Variants in SCGB2B2 observed in about 807,000 individuals in gnomAD.
The protein encoded by SCGB2B2 is secretoglobin family 2B member 2.
SCGB2B2 carries 11 observed loss-of-function variants against 7.6 expected under a neutral mutation model. That is an observed-to-expected ratio of 1.45 (90% confidence interval 0.91 to 2.40). SCGB2B2 has a LOEUF of 2.40. Ranked by LOEUF, SCGB2B2 falls within the 30% of genes most tolerant of loss-of-function variation. The probability of loss-of-function intolerance (pLI) is 0.00; values close to 1 mark genes in which losing one functional copy is unlikely to be tolerated. For synonymous variants in SCGB2B2, 50 were observed against 48.6 expected (o/e 1.03, Z -0.12); for missense variants, 104 against 115.4 (o/e 0.90, Z 0.45).
intron 1 of SCGB2B2, among the ~76,000 whole-genome samples, chr19:34,630,144 T>A (rs78397212): frequency 6.6e-6 from 1 of 151,272 alleles, no homozygotes; most frequent in Non-Finnish European, 1.5e-5. Context: ...ACCTTAGACC[T>A]AAAACCATAA....
At chr19:34,640,110 C>T (rs2066799081) in intron 1 of SCGB2B2, among the ~76,000 whole-genome samples, 1 of 152,120 alleles carries the variant, frequency 6.6e-6, no homozygotes, top group Admixed American at 6.5e-5. Flanking sequence ...AATAGAATAT[C>T]ATGCAGCTTA....
At chr19:34,650,540 A>C (rs1336206745) in intron 1 of SCGB2B2, among the ~76,000 whole-genome samples, 4 of 151,354 alleles carry the variant, frequency 2.6e-5, no homozygotes, top group Non-Finnish European at 5.9e-5. Context: ...AATATAACCT[A>C]CCGGGATTGA....
In SCGB2B2 at chr19:34,592,146, G is replaced by A. The variant is rs566270904; in HGVS notation, c.*1409C>T. ...AAACGTGTGACCTGGAGGAGATGAC[G>A]GCTGAGGGATGACAAGGAGAATGGG... On this transcript the variant is annotated 3_prime_UTR_variant, in exon 4 of 4. Transcript: ENST00000601241. 3.3e-5 allele frequency among the ~76,000 whole-genome samples: 5 copies of A among 152,242 alleles called. No homozygotes were observed. Among genetic ancestry groups the A allele is most frequent in the East Asian group, 1.9e-4 (1 of 5,180 alleles).
intron 1 of SCGB2B2, among the ~76,000 whole-genome samples, chr19:34,673,954 A>T (rs2067861860): frequency 6.6e-6 from 1 of 152,196 alleles, no homozygotes; most frequent in Non-Finnish European, 1.5e-5. Context: ...TAGGGGTTTA[A>T]CTTCACAGGA....
chr19:34,594,117 G>T, intron 3 of SCGB2B2, 58 bp downstream of exon 3: 2 of 1,402,462 alleles, frequency 1.4e-6, no homozygotes, highest in Non-Finnish European at 2.0e-6. Flanking sequence ...GTGCAGGGAA[G>T]TGCAAGCCTG....
At chr19:34,664,790 G>A (rs1242365769) in intron 1 of SCGB2B2, among the ~76,000 whole-genome samples, 4 of 151,970 alleles carry the variant, frequency 2.6e-5, no homozygotes, top group African/African-American at 9.7e-5. Flanking sequence ...TGCAGCTCCC[G>A]CTGACCCCTC....
intron 1 of SCGB2B2, among the ~76,000 whole-genome samples, chr19:34,600,717 T>A (rs2065598608): frequency 6.6e-6 from 1 of 152,234 alleles, no homozygotes; most frequent in African/African-American, 2.4e-5. Context: ...TTGCATGTTC[T>A]TTTCTATTTT....
chr19:34,596,852 G>A (rs771205811), intron 1 of SCGB2B2, among the ~76,000 whole-genome samples: 25 of 151,860 alleles, frequency 1.6e-4, no homozygotes, highest in Admixed American at 6.5e-4. Flanking sequence ...GGAGCAGAGG[G>A]CCGCCCTCCC....
Position 34,623,923 on chromosome 19 carries a change from C to T in SCGB2B2, c.-2031-27329G>A, listed in dbSNP as rs551312725. Reference sequence around the variant, plus strand: ...GAGCCTAGAATTTGTCTCTCAAGGGCAGCTTCCTCCTGACTATTGAAAGTG... The same window carrying T: ...GAGCCTAGAATTTGTCTCTCAAGGGTAGCTTCCTCCTGACTATTGAAAGTG... On this transcript the variant is annotated intron_variant, in intron 1 of 3. Coordinates refer to ENST00000601241, the MANE Select transcript of SCGB2B2 (RefSeq NM_001025591.4). 1.9e-3 allele frequency among the ~76,000 whole-genome samples: 287 copies of T among 152,300 alleles called. 2 individuals carry two copies. The highest frequency in any genetic ancestry group is 6.7e-3 in the African/African-American group (279 of 41,556).
chr19:34,606,517 C>CT (rs36092902), intron 1 of SCGB2B2, among the ~76,000 whole-genome samples: 1,891 of 143,016 alleles, frequency 0.013, 45 homozygotes, highest in African/African-American at 0.042. Flanking sequence ...TTTTCTTTTT[C>CT]TTTTTTTTTT....
At chr19:34,643,702 T>G (rs1275168670) in intron 1 of SCGB2B2, among the ~76,000 whole-genome samples, 1 of 152,114 alleles carries the variant, frequency 6.6e-6, no homozygotes, top group Admixed American at 6.5e-5. Flanking sequence ...TGGAAAATAT[T>G]ATGTATCAAT....
At chr19:34,586,523 T>A (rs938199706), downstream of SCGB2B2, among the ~76,000 whole-genome samples, 1 of 152,232 alleles carries the variant, frequency 6.6e-6, no homozygotes. Flanking sequence ...TCATACAGTA[T>A]GGAATGTTAT....
chr19:34,598,134 A>G (rs1242895620), intron 1 of SCGB2B2, among the ~76,000 whole-genome samples: 2 of 152,050 alleles, frequency 1.3e-5, no homozygotes, highest in Non-Finnish European at 2.9e-5. Context: ...CCTGAGGCTG[A>G]CTCGGGGCTA....
At chr19:34,650,190 G>A (rs1424482116) in intron 1 of SCGB2B2, among the ~76,000 whole-genome samples, 1 of 151,276 alleles carries the variant, frequency 6.6e-6, no homozygotes, top group African/African-American at 2.5e-5. Flanking sequence ...AGCTGCTGGG[G>A]CTGAGCATAC....
chr19:34,590,621 T>C (rs534298537), downstream of SCGB2B2, among the ~76,000 whole-genome samples: 3 of 152,248 alleles, frequency 2.0e-5, no homozygotes, highest in African/African-American at 7.2e-5. Flanking sequence ...TTAATATTAC[T>C]AAGTTATGGC....
rs1425835832 is a variant in SCGB2B2, at chr19:34,596,073, G to A, written c.-1510C>T. 1.3e-5 allele frequency: 2 copies of A among 152,392 alleles called. No individual in the cohort carries two copies. Among genetic ancestry groups the A allele is most frequent in the South Asian group, 4.1e-4 (2 of 4,830 alleles). The allele number at this position is 152,392 out of a possible 1,614,324, so 9.4% of individuals were successfully genotyped here. On this transcript the variant is annotated 5_prime_UTR_variant, in exon 2 of 4. It adds an upstream start codon to the 5' untranslated region. Transcript: ENST00000601241. ...CCAGGCATGAGCCATCACTGTGCAC[G>A]TACAGAACCTCATAGTAGCGCCCAG... is the stretch of plus-strand genomic sequence containing the variant.
chr19:34,586,134 T>A (rs144674749), downstream of SCGB2B2, among the ~76,000 whole-genome samples: 1 of 152,218 alleles, frequency 6.6e-6, no homozygotes, highest in Non-Finnish European at 1.5e-5. Flanking sequence ...GGGGAAGGGC[T>A]ATTATCATTT....
chr19:34,632,721 G>C (rs1413022030), intron 1 of SCGB2B2: 5 of 152,242 alleles, frequency 3.3e-5, no homozygotes, highest in Admixed American at 2.0e-4. Context: ...CACTTACCCT[G>C]TAAGTTGGTG....
chr19:34,647,071 T>G lies in SCGB2B2; in HGVS notation c.-2032+28559A>C, dbSNP rs1277174736. Among the ~76,000 whole-genome samples the G allele has an allele frequency of 1.3e-4, 20 of 150,592 alleles. No individual in the cohort carries two copies. The East Asian group carries it at 3.9e-3, about 30-fold the overall frequency. ...TGCTGGAGGCTGGGAAACCTTGCCCTCCTGGCTGAGTCACAGGCCTCAGCG... is the reference window on the plus strand; with the variant it reads ...TGCTGGAGGCTGGGAAACCTTGCCCGCCTGGCTGAGTCACAGGCCTCAGCG... On this transcript the variant is annotated intron_variant, in intron 1 of 3. Coordinates refer to ENST00000601241, the MANE Select transcript of SCGB2B2 (RefSeq NM_001025591.4).
Sources: gnomAD v4.1 joint callset for allele counts (sites outside exome capture counted in the v4.1 genomes callset) on GRCh38, gnomAD v4.1.1 for gene constraint, MANE v1.5 for transcripts, NCBI Gene and HGNC (gene_info 2026-07-23, HGNC 2026-07-21) for gene names.